DNMT3A: variants seen among roughly 807,000 people sequenced by gnomAD.
The protein encoded by DNMT3A is DNA (cytosine-5)-methyltransferase 3A.
DNMT3A carries 267 observed loss-of-function variants against 117.6 expected under a neutral mutation model. The observed-to-expected ratio is 2.27, with a 90% confidence interval of 2.05 to 2.51. DNMT3A has a LOEUF of 2.51. Ranked by LOEUF, DNMT3A falls within the 30% of genes most tolerant of loss-of-function variation. The pLI is 0.00. For missense variants in DNMT3A, 1,029 were observed against 1,260.2 expected, an observed-to-expected ratio of 0.82 and a Z score of 2.78; for synonymous variants, 432 against 474.8, an observed-to-expected ratio of 0.91 and a Z score of 1.17.
At position 25,254,365 on chromosome 2, in the gene DNMT3A, G is replaced by A. The variant is rs1675932759; in HGVS notation, c.640-6113C>T. ...AGGGCCATCAGAGCAAGCAAACCCT[G>A]AAGAGCAAGGACCCCAAACCAGAGA... On this transcript the variant is annotated intron_variant, in intron 6 of 22. Coordinates refer to ENST00000321117, the MANE Select transcript of DNMT3A (RefSeq NM_022552.5). This position sits in a 1 kb window ranked among gnomAD's most constrained non-coding sequence, Gnocchi z 4.7. Among the ~76,000 whole-genome samples the A allele has an allele frequency of 6.6e-6, 1 of 152,012 alleles. No homozygotes were observed. Among genetic ancestry groups the A allele is most frequent in the African/African-American group, 2.4e-5 (1 of 41,374 alleles).
At position 25,240,365 on chromosome 2, in the gene DNMT3A, CCAG is replaced by C; in HGVS notation, c.2256_2258del (p.Phe752_Trp753delinsLeu). 6.2e-7 allele frequency: 1 copy of C among 1,614,140 alleles called. No homozygotes were observed. Among genetic ancestry groups the C allele is most frequent in the Non-Finnish European group, 8.5e-7 (1 of 1,179,988 alleles). ...CCATGGCCACCACATTCTCAAAGAG[CCAG>C]AAGAAGGGGCGATCATCTCCCTCCT... is the stretch of plus-strand genomic sequence containing the variant. On this transcript the variant is annotated inframe_deletion, in exon 19 of 23. Coordinates refer to ENST00000321117, the MANE Select transcript of DNMT3A (RefSeq NM_022552.5).
chr2:25,237,136 C>T lies in DNMT3A; in HGVS notation c.2409-131G>A. On this transcript the variant is annotated intron_variant, in intron 20 of 22. Coordinates refer to ENST00000321117, the MANE Select transcript of DNMT3A (RefSeq NM_022552.5). This position sits in a 1 kb window ranked among gnomAD's most constrained non-coding sequence, Gnocchi z 5.4. ...GTAAGAGCCCCTTCCCCAAATCACG[C>T]ACACACGTCATAACTCTCTTCAAAC... 1.3e-6 allele frequency: 1 copy of T among 793,918 alleles called. No individual in the cohort carries two copies. The highest frequency in any genetic ancestry group is 1.7e-5 in the South Asian group (1 of 58,320). The allele number at this position is 793,918 out of a possible 1,614,324, so 49.2% of individuals were successfully genotyped here. A position where few individuals can be genotyped will look rare whatever the true frequency, so the allele number is the denominator to read the frequency against.
chr2:25,241,259 A>G (rs1390631152), intron 17 of DNMT3A, among the ~76,000 whole-genome samples: 1 of 152,224 alleles, frequency 6.6e-6, no homozygotes, highest in Non-Finnish European at 1.5e-5. Context: ...CCAGAGCTCA[A>G]GTAGGCACTA....
intron 6 of DNMT3A, among the ~76,000 whole-genome samples, chr2:25,265,875 C>T (rs1054579365): frequency 1.3e-5 from 2 of 151,928 alleles, no homozygotes; most frequent in African/African-American, 4.8e-5. Flanking sequence ...GTGGTGAAAG[C>T]TAATGCTCCT....
Position 25,282,129 on chromosome 2 carries a change from G to A in DNMT3A, c.448+312C>T, listed in dbSNP as rs2031923566. Reference sequence around the variant, plus strand: ...CCAGTCTAGCAATCGTTGGCGTTATGAAAGCCCGCTGTTGCCAGATCTAGC... The same window carrying A: ...CCAGTCTAGCAATCGTTGGCGTTATAAAAGCCCGCTGTTGCCAGATCTAGC... On this transcript the variant is annotated intron_variant, in intron 4 of 22. Transcript: ENST00000321117. This position sits in a 1 kb window ranked among gnomAD's most constrained non-coding sequence, Gnocchi z 5.2. 1.7e-6 allele frequency: 2 copies of A among 1,147,362 alleles called. No individual in the cohort carries two copies. Among genetic ancestry groups the A allele is most frequent in the Non-Finnish European group, 2.2e-6 (2 of 889,968 alleles). The allele number at this position is 1,147,362 out of a possible 1,614,324, so 71.1% of individuals were successfully genotyped here.
chr2:25,278,943 C>A (rs2031676677), intron 4 of DNMT3A, among the ~76,000 whole-genome samples: 1 of 152,234 alleles, frequency 6.6e-6, no homozygotes, highest in Non-Finnish European at 1.5e-5. Context: ...AATGCAGATT[C>A]TGATCCAGCA....
intron 6 of DNMT3A, among the ~76,000 whole-genome samples, chr2:25,249,905 G>A (rs1186147747): frequency 6.6e-6 from 1 of 152,156 alleles, no homozygotes; most frequent in Non-Finnish European, 1.5e-5. Flanking sequence ...TGGGCCTAGA[G>A]CTGCGAATGC....
chr2:25,333,308 G>A (rs1340580658), intron 1 of DNMT3A, among the ~76,000 whole-genome samples: 1 of 151,478 alleles, frequency 6.6e-6, no homozygotes, highest in Non-Finnish European at 1.5e-5. Flanking sequence ...CCATGGGGAG[G>A]ACAGGCCACA....
rs905127802 is a variant in DNMT3A at position 25,306,783 on chromosome 2, A to G, written c.73-6540T>C. ...AAAATCTATTGAGCACCTACTGTGTACTGGATACAAAGATAAACAAATAGG... is the reference window on the plus strand; with the variant it reads ...AAAATCTATTGAGCACCTACTGTGTGCTGGATACAAAGATAAACAAATAGG... On this transcript the variant is annotated intron_variant, in intron 2 of 22. Transcript: ENST00000321117. The surrounding 1 kb of genome is among the most constrained non-coding windows in gnomAD (Gnocchi z 4.1). Among the ~76,000 whole-genome samples, 1 of 152,238 alleles carries G rather than the reference A, an allele frequency of 6.6e-6. No homozygotes were observed. The highest frequency in any genetic ancestry group is 1.5e-5 in the Non-Finnish European group (1 of 68,030).
At chr2:25,318,655 T>C (rs1243310330) in intron 1 of DNMT3A, among the ~76,000 whole-genome samples, 1 of 152,130 alleles carries the variant, frequency 6.6e-6, no homozygotes, top group Non-Finnish European at 1.5e-5. Flanking sequence ...CAAATTATCA[T>C]TTAAGTGTGA....
At chr2:25,341,604 G>A (rs2035458677) in intron 1 of DNMT3A, among the ~76,000 whole-genome samples, 1 of 146,918 alleles carries the variant, frequency 6.8e-6, no homozygotes, top group African/African-American at 2.4e-5. Flanking sequence ...CGAGCCCGCG[G>A]GGACATAAAC....
intron 9 of DNMT3A, 50 bp from the exon 10 acceptor site, chr2:25,246,826 A>G (rs368161193): frequency 5.0e-6 from 8 of 1,599,812 alleles, no homozygotes; most frequent in Non-Finnish European, 6.8e-6. Context: ...GCTGGAAGGC[A>G]GATGGGTCAG....
At chr2:25,308,357 TCCA>T (rs2033894027) in intron 2 of DNMT3A, among the ~76,000 whole-genome samples, 1 of 151,760 alleles carries the variant, frequency 6.6e-6, no homozygotes, top group Non-Finnish European at 1.5e-5. Context: ...CGTGACAGAG[TCCA>T]GCTTCAACAC....
Position 25,248,044 on chromosome 2 carries a change from T to A in DNMT3A, c.848A>T (p.Glu283Val). 3.7e-6 allele frequency: 6 copies of A among 1,612,002 alleles called. No homozygotes were observed. Among genetic ancestry groups the A allele is most frequent in the Non-Finnish European group, 5.1e-6 (6 of 1,179,962 alleles). Residue 283 changes from glutamate (E) to valine (V), a missense_variant, in exon 7 of 23, where the codon GAG becomes GTG. Coordinates refer to ENST00000321117, the MANE Select transcript of DNMT3A (RefSeq NM_022552.5). ...NATKAGDDEP[E>V]YEDGRGFGIG... ...GGTGAAGAAGCCGCTCACCTCGTAC[T>A]CTGGCTCGTCATCGCCTGCTTTGGT...
At chr2:25,340,344 G>A (rs2035367874) in intron 1 of DNMT3A, among the ~76,000 whole-genome samples, 2 of 152,216 alleles carry the variant, frequency 1.3e-5, no homozygotes, top group African/African-American at 4.8e-5. Flanking sequence ...GGGATGAGGA[G>A]AGGGGGAGAA....
rs1336072549 is a variant in DNMT3A at position 25,233,771 on chromosome 2, A to G, written c.*508T>C. 2.2e-5 allele frequency: 4 copies of G among 183,320 alleles called. No individual in the cohort carries two copies. The Admixed American group carries it at 3.2e-4, about 15-fold the overall frequency. 11.4% of individuals were successfully genotyped at this position (183,320 alleles called of 1,614,324 possible). A position where few individuals can be genotyped will look rare whatever the true frequency, so the allele number is the denominator to read the frequency against. On this transcript the variant is annotated 3_prime_UTR_variant, in exon 23 of 23. Coordinates refer to ENST00000321117, the MANE Select transcript of DNMT3A (RefSeq NM_022552.5). ...CAAAAAAAAGATATATAGTAAAAAA[A>G]AAAACCCAAAAAAAAAAAACAAAAA... is the stretch of plus-strand genomic sequence containing the variant.
chr2:25,245,992 T>C (rs377160239), intron 12 of DNMT3A, 28 bp downstream of exon 12: 223 of 1,613,512 alleles, frequency 1.4e-4, no homozygotes, highest in Non-Finnish European at 1.7e-4. Flanking sequence ...ACACTAGGAG[T>C]GCCAGAGTTC....
At chr2:25,335,681 G>A (rs1341301955) in intron 1 of DNMT3A, among the ~76,000 whole-genome samples, 1 of 152,190 alleles carries the variant, frequency 6.6e-6, no homozygotes, top group Non-Finnish European at 1.5e-5. Flanking sequence ...GGAGACCCAA[G>A]TTCCAGCTCT....
intron 3 of DNMT3A, among the ~76,000 whole-genome samples, chr2:25,295,595 A>T (rs143488605): frequency 6.6e-6 from 1 of 152,348 alleles, no homozygotes; most frequent in East Asian, 1.9e-4. Flanking sequence ...TTCACATATT[A>T]ACTGACAGAG....
Sources: gnomAD v4.1 joint callset for allele counts (sites outside exome capture counted in the v4.1 genomes callset) on GRCh38, gnomAD v4.1.1 for gene constraint, Gnocchi (gnomAD v3.1) non-coding constraint, MANE v1.5 for transcripts, NCBI Gene and HGNC (gene_info 2026-07-23, HGNC 2026-07-21) for gene names.